AGFG1: variants seen among roughly 807,000 people sequenced by gnomAD.
The protein encoded by AGFG1 is ArfGAP with FG repeats 1.
AGFG1 carries 10 observed loss-of-function variants against 60.6 expected under a neutral mutation model. The ratio of observed to expected loss-of-function variants is 0.16; its 90% confidence interval spans 0.10 to 0.28. The LOEUF (loss-of-function observed/expected upper bound fraction) is 0.28, where lower values mean the gene tolerates loss of function less well. Ranked by LOEUF, AGFG1 falls within the 10% of genes least tolerant of loss-of-function variation. The pLI, the probability that AGFG1 is intolerant of heterozygous loss-of-function variation, is 1.00. For synonymous variants in AGFG1, 247 were observed against 242.9 expected (o/e 1.02, Z -0.16); for missense variants, 537 against 676.5 (o/e 0.79, Z 2.29).
chr2:227,484,702 T>G (rs1221326424), intron 1 of AGFG1, among the ~76,000 whole-genome samples: 1,785 of 20,754 alleles, frequency 0.086, 21 homozygotes, highest in Non-Finnish European at 0.12. Context: ...TTTTTTTTTT[T>G]TTTTTTTTTT....
At chr2:227,483,338 G>A (rs542445261) in intron 1 of AGFG1, among the ~76,000 whole-genome samples, 4 of 152,144 alleles carry the variant, frequency 2.6e-5, no homozygotes, top group Non-Finnish European at 5.9e-5. Flanking sequence ...ATACTAACAC[G>A]AAATCAGGAC....
intron 2 of AGFG1, among the ~76,000 whole-genome samples, chr2:227,518,525 T>C (rs1457238403): frequency 6.7e-6 from 1 of 150,262 alleles, no homozygotes; most frequent in Non-Finnish European, 1.5e-5. Context: ...TCTTTTTTTT[T>C]TTTTTTTTTT....
intron 2 of AGFG1, among the ~76,000 whole-genome samples, chr2:227,502,238 T>C (rs1488130741): frequency 1.3e-5 from 2 of 152,258 alleles, no homozygotes; most frequent in African/African-American, 4.8e-5. Context: ...GCTTCTATTC[T>C]ATGAATAAAT....
rs1692621724 is a variant in AGFG1 at position 227,545,555 on chromosome 2, A to T, written c.1379-6404A>T. Among the ~76,000 whole-genome samples, 9 of 152,270 alleles carry T rather than the reference A, an allele frequency of 5.9e-5. 1 individual carries two copies. The South Asian group carries it at 1.9e-3, about 32-fold the overall frequency. Reference sequence around the variant, plus strand: ...GGAGAAGAGGCACTCTGGTTTTTAGAATTTTCAGCCTTTCTGCTCTGGTTT... The same window carrying T: ...GGAGAAGAGGCACTCTGGTTTTTAGTATTTTCAGCCTTTCTGCTCTGGTTT... On this transcript the variant is annotated intron_variant, in intron 10 of 12. Coordinates refer to ENST00000310078, the MANE Select transcript of AGFG1 (RefSeq NM_004504.5).
intron 2 of AGFG1, among the ~76,000 whole-genome samples, chr2:227,493,494 A>G (rs968379352): frequency 3.3e-5 from 5 of 152,198 alleles, no homozygotes; most frequent in Non-Finnish European, 5.9e-5. Flanking sequence ...TTCTGAAGGA[A>G]TATTTTTTAA....
chr2:227,524,838 A>G lies in AGFG1; in HGVS notation c.617A>G (p.Asp206Gly). ...QFDLLSDLGSDIFAAPAPQST... is the reference protein window; with the variant it reads ...QFDLLSDLGSGIFAAPAPQST... ...GACCTTTTAAGTGATCTCGGCTCAG[A>G]CATCTTTGCTGCTCCAGCTCCTCAG... Residue 206 changes from aspartate (D) to glycine (G), a missense_variant, in exon 5 of 13, where the codon GAC (aspartate) becomes GGC (glycine). Transcript: ENST00000310078. The G allele has an allele frequency of 6.2e-7, 1 of 1,614,146 alleles. No individual in the cohort carries two copies.
In AGFG1 at chr2:227,527,230, A is replaced by G. The variant is rs572963028; in HGVS notation, c.694+2315A>G. ...ATTACCTAACATTTCTAAGTTTTCT[A>G]TTCTATAAATTGTCTTTGATAAGTG... On this transcript the variant is annotated intron_variant, in intron 5 of 12. Coordinates refer to ENST00000310078, the MANE Select transcript of AGFG1 (RefSeq NM_004504.5). Among the ~76,000 whole-genome samples, 10 of 152,280 alleles carry G rather than the reference A, an allele frequency of 6.6e-5. No homozygotes were observed. The South Asian group carries it at 8.3e-4, about 13-fold the overall frequency.
At chr2:227,478,548 T>C (rs1333438657) in intron 1 of AGFG1, among the ~76,000 whole-genome samples, 14 of 152,152 alleles carry the variant, frequency 9.2e-5, no homozygotes, top group Admixed American at 9.2e-4. Context: ...TTGCCCAGGC[T>C]GATCTCCAAC....
At position 227,558,031 on chromosome 2, in the gene AGFG1, A is replaced by G. The variant is rs368205342; in HGVS notation, c.*3536A>G. 4.6e-5 allele frequency: 7 copies of G among 152,300 alleles called. No homozygotes were observed. The highest frequency in any genetic ancestry group is 1.7e-4 in the African/African-American group (7 of 41,572). The allele number at this position is 152,300 out of a possible 1,614,324, so 9.4% of individuals were successfully genotyped here. On this transcript the variant is annotated 3_prime_UTR_variant, in exon 13 of 13. Coordinates refer to ENST00000310078, the MANE Select transcript of AGFG1 (RefSeq NM_004504.5). Reference sequence around the variant, plus strand: ...ATTCCCTGGGTTTTTTTTGTTTGCTAGTGAGAACTGAAATTGCAGACTTTT... The same window carrying G: ...ATTCCCTGGGTTTTTTTTGTTTGCTGGTGAGAACTGAAATTGCAGACTTTT...
intron 1 of AGFG1, among the ~76,000 whole-genome samples, chr2:227,479,536 GA>G (rs1303534405): frequency 1.3e-5 from 2 of 152,098 alleles, no homozygotes; most frequent in East Asian, 1.9e-4. Context: ...GCATTCTTTG[GA>G]AAACAGGCAA....
chr2:227,487,339 G>C (rs775558024), intron 1 of AGFG1, among the ~76,000 whole-genome samples: 2 of 150,368 alleles, frequency 1.3e-5, no homozygotes, highest in African/African-American at 4.9e-5. Context: ...ATTCGATCTC[G>C]TCACTTATAT....
intron 10 of AGFG1, among the ~76,000 whole-genome samples, chr2:227,549,427 A>T (rs567341449): frequency 1.1e-4 from 17 of 152,224 alleles, no homozygotes; most frequent in Non-Finnish European, 1.8e-4. Flanking sequence ...TCTGTCCTCA[A>T]ACATGCCAGG....
chr2:227,524,963 C>G lies in AGFG1; in HGVS notation c.694+48C>G, dbSNP rs148305645. The G allele has an allele frequency of 3.2e-4, 514 of 1,593,602 alleles. 3 individuals carry two copies. In the African/African-American group the frequency reaches 5.9e-3, roughly 18 times the overall value. On this transcript the variant is annotated intron_variant, in intron 5 of 12. Coordinates refer to ENST00000310078, the MANE Select transcript of AGFG1 (RefSeq NM_004504.5). ...TTTTGCTGGGGATGCATATAAAACACCAAGAAACATCAATTCTTTATCACA... is the reference window on the plus strand; with the variant it reads ...TTTTGCTGGGGATGCATATAAAACAGCAAGAAACATCAATTCTTTATCACA...
In AGFG1 at chr2:227,531,111, G is replaced by C. The variant is rs760415448; in HGVS notation, c.715G>C (p.Asp239His). ...TACAGCTCAGAATTCTGCAAATGCA[G>C]ATTTTGCAAACTTTGATGCATTTGG... ...SHAAQNSANA[D>H]FANFDAFGQS... Residue 239 changes from aspartate to histidine, a missense_variant, in exon 6 of 13, where the codon GAT (aspartate) becomes CAT (histidine). Asp to His is a moderately conservative substitution (Grantham distance 81). Coordinates refer to ENST00000310078, the MANE Select transcript of AGFG1 (RefSeq NM_004504.5). 1.2e-6 allele frequency: 2 copies of C among 1,612,902 alleles called. No homozygotes were observed.
At chr2:227,472,612 G>A (rs762785568) in intron 1 of AGFG1, 24 bp downstream of exon 1, 2 of 1,555,592 alleles carry the variant, frequency 1.3e-6, no homozygotes, top group Non-Finnish European at 1.7e-6. Flanking sequence ...GGCCGGGCGG[G>A]TGTCGGGCCC....
At chr2:227,484,857 A>G (rs575341096) in intron 1 of AGFG1, among the ~76,000 whole-genome samples, 1 of 151,224 alleles carries the variant, frequency 6.6e-6, no homozygotes, top group African/African-American at 2.4e-5. Context: ...GTGTGCGCCA[A>G]CATGCCCGGC....
intron 5 of AGFG1, among the ~76,000 whole-genome samples, chr2:227,526,060 T>A (rs920603104): frequency 1.3e-5 from 2 of 152,206 alleles, no homozygotes; most frequent in African/African-American, 4.8e-5. Context: ...GACTTTTTTC[T>A]TTAGTATCAT....
At position 227,524,732 on chromosome 2, in the gene AGFG1, AT is replaced by A. The variant is rs1413683817; in HGVS notation, c.541-29del. ...TAAAGATTTTGCAGATCCGACTGGAATATCTTTATAGTTAATATGTGGTTTG... is the reference window on the plus strand; with the variant it reads ...TAAAGATTTTGCAGATCCGACTGGAAATCTTTATAGTTAATATGTGGTTTG... On this transcript the variant is annotated intron_variant, in intron 4 of 12. Transcript: ENST00000310078. 2.5e-6 allele frequency: 4 copies of A among 1,608,034 alleles called. No homozygotes were observed. The African/African-American group carries it at 5.3e-5, about 21-fold the overall frequency.
intron 10 of AGFG1, among the ~76,000 whole-genome samples, chr2:227,549,043 CTT>C (rs1692740550): frequency 6.6e-6 from 1 of 151,298 alleles, no homozygotes; most frequent in African/African-American, 2.4e-5. Context: ...CACAGTGACA[CTT>C]TTTTAAGTTA....
Sources: allele counts gnomAD v4.1 joint callset (sites outside exome capture counted in the v4.1 genomes callset), GRCh38; gene constraint gnomAD v4.1.1; transcripts MANE v1.5; gene names NCBI Gene and HGNC (gene_info 2026-07-23, HGNC 2026-07-21).